ZNF831: variants seen among roughly 807,000 people sequenced by gnomAD.
ZNF831 encodes zinc finger protein 831.
ZNF831 carries 59 observed loss-of-function variants against 95.8 expected under a neutral mutation model. The observed-to-expected ratio is 0.62, with a 90% CI of 0.50 to 0.77. ZNF831 has a LOEUF of 0.77. ZNF831 is among the 30% of genes least tolerant of loss of function. The pLI is 0.00. For missense variants in ZNF831, 2,205 were observed against 2,164.0 expected (o/e 1.02, Z -0.38); for synonymous variants, 961 against 925.5 (o/e 1.04, Z -0.70).
At chr20:59,173,815 A>G (rs1209308066) in intron 1 of ZNF831, among the ~76,000 whole-genome samples, 1 of 152,176 alleles carries the variant, frequency 6.6e-6, no homozygotes, top group African/African-American at 2.4e-5. Flanking sequence ...TGGGTTATGC[A>G]GGGGAAACTT....
rs982269163 is a variant in ZNF831, at chr20:59,151,847, G to A, written c.-1281+5473G>A. On this transcript the variant is annotated intron_variant, in intron 2 of 7. Coordinates refer to the ZNF831 transcript ENST00000637017. ...CTGAACCTTCGGGAGACCCATAGGA[G>A]GTGGCTGCCCAGCCCCTCTGTCTAG... Among the ~76,000 whole-genome samples the A allele has an allele frequency of 5.3e-5, 8 of 152,304 alleles. No homozygotes were observed. The East Asian group carries it at 1.4e-3, about 26-fold the overall frequency.
At chr20:59,130,123 T>A (rs1054153090) in intron 1 of ZNF831, among the ~76,000 whole-genome samples, 4 of 152,134 alleles carry the variant, frequency 2.6e-5, no homozygotes, top group African/African-American at 4.8e-5. Context: ...GACGATGGGA[T>A]TCAGGGAGCT....
At chr20:59,180,577 A>G (rs1018984152) in intron 1 of ZNF831, among the ~76,000 whole-genome samples, 2 of 151,394 alleles carry the variant, frequency 1.3e-5, no homozygotes, top group African/African-American at 2.4e-5. Flanking sequence ...CCCTGTGTAC[A>G]TGTGTTCTCA....
Position 59,169,597 on chromosome 20 carries a change from C to G in ZNF831, c.-37+5390C>G, listed in dbSNP as rs1981563077. Among the ~76,000 whole-genome samples, 2 of 152,124 alleles carry G rather than the reference C, an allele frequency of 1.3e-5. No individual in the cohort carries two copies. Among genetic ancestry groups the G allele is most frequent in the African/African-American group, 4.8e-5 (2 of 41,416 alleles). On this transcript the variant is annotated intron_variant, in intron 1 of 5. Transcript: ENST00000371030. The surrounding 1 kb of genome is among the most constrained non-coding windows in gnomAD (Gnocchi z 4.1). ...CCTGGCCAACGTGGTGAAATCCTGT[C>G]TCTACTAAAAATACAAAAATTAGCC...
chr20:59,137,445 G>T (rs755549893), intron 1 of ZNF831, among the ~76,000 whole-genome samples: 1 of 152,108 alleles, frequency 6.6e-6, no homozygotes, highest in Non-Finnish European at 1.5e-5. Flanking sequence ...GTCCTCAGAG[G>T]TGGTCAACTT....
chr20:59,241,112 ACTT>A (rs1477414339), intron 4 of ZNF831, among the ~76,000 whole-genome samples: 2 of 152,134 alleles, frequency 1.3e-5, no homozygotes, highest in Non-Finnish European at 2.9e-5. Context: ...CAAAGGAGAG[ACTT>A]CTTAGAATTC....
At chr20:59,140,336 A>G (rs1568722853) in intron 1 of ZNF831, among the ~76,000 whole-genome samples, 1 of 152,184 alleles carries the variant, frequency 6.6e-6, no homozygotes, top group Non-Finnish European at 1.5e-5. Context: ...GAAGAGCTAG[A>G]GTTTTGTTTC....
Position 59,148,679 on chromosome 20 carries a change from C to CAAAAAAAAAAAAAAAAA in ZNF831, c.-1281+2334_-1281+2350dup, listed in dbSNP as rs35635821. Among the ~76,000 whole-genome samples the CAAAAAAAAAAAAAAAAA allele has an allele frequency of 1.9e-4, 3 of 16,214 alleles. 1 individual carries two copies. Among genetic ancestry groups the CAAAAAAAAAAAAAAAAA allele is most frequent in the African/African-American group, 3.5e-4 (2 of 5,676 alleles). The allele number at this position is 16,214 out of a possible 152,430, so 10.6% of individuals were successfully genotyped here. A position where few individuals can be genotyped will look rare whatever the true frequency, so the allele number is the denominator to read the frequency against. ...TGGGCGACAGAGCGAAACTCCGTCT[C>CAAAAAAAAAAAAAAAAA]AAAAAAAAAAAAAAAAAAAAAAAAA... On this transcript the variant is annotated intron_variant, in intron 2 of 7. Transcript: ENST00000637017.
intron 1 of ZNF831, among the ~76,000 whole-genome samples, chr20:59,137,948 C>T (rs555878373): frequency 4.6e-5 from 7 of 152,290 alleles, no homozygotes; most frequent in African/African-American, 1.7e-4. Flanking sequence ...GGACTTCATG[C>T]ATTGGTTACC....
rs1600695882 is a variant in ZNF831, at chr20:59,254,690, G to C, written c.4981G>C (p.Glu1661Gln). The C allele has an allele frequency of 1.2e-6, 2 of 1,614,118 alleles. No individual in the cohort carries two copies. The highest frequency in any genetic ancestry group is 2.2e-5 in the East Asian group (1 of 44,870). The stretch of plus-strand genomic sequence containing the variant: ...AGGAATGAGAAAGCAAACTCGAGTA[G>C]AGTTCAGTGACACCAGCAGCGACGA... ...LEGMRKQTRV[E>Q]FSDTSSDDED... Residue 1661 changes from glutamate (E) to glutamine (Q), a missense_variant, in exon 6 of 6, where the codon GAG (glutamate) becomes CAG (glutamine). Transcript: ENST00000371030. This position sits in a 1 kb window ranked among gnomAD's most constrained non-coding sequence, Gnocchi z 4.5.
In ZNF831 at chr20:59,194,678, G is replaced by T. The variant is rs983421772; in HGVS notation, c.3659G>T (p.Gly1220Val). 1.2e-6 allele frequency: 2 copies of T among 1,612,506 alleles called. No individual in the cohort carries two copies. The highest frequency in any genetic ancestry group is 2.2e-5 in the East Asian group (1 of 44,878). ...HFPGSSLRDE[G>V]PNGPPGSNGG... ...CCTGGTAGCAGCCTCCGAGATGAGG[G>T]TCCCAATGGCCCTCCTGGGAGCAAT... The change falls in exon 2 of 6, where the codon GGT becomes GTT. Residue 1220 changes from glycine (G) to valine (V), a missense_variant. Coordinates refer to ENST00000371030, the MANE Select transcript of ZNF831 (RefSeq NM_178457.3).
chr20:59,166,987 GT>G (rs1981323719), intron 1 of ZNF831, among the ~76,000 whole-genome samples: 1 of 152,196 alleles, frequency 6.6e-6, no homozygotes, highest in Non-Finnish European at 1.5e-5. Context: ...TGTTTGATTT[GT>G]TAAGAAATGG....
rs77330332 is a variant in ZNF831, at chr20:59,207,669, T to C, written c.4027+613T>C. ...GGGCAAATGGCTCAACTTCTCTGGA[T>C]CTCAATTTCCTCTTCCTTTCTCCCC... On this transcript the variant is annotated intron_variant, in intron 4 of 5. Transcript: ENST00000371030. Among the ~76,000 whole-genome samples the C allele has an allele frequency of 8.0e-3, 1,213 of 152,310 alleles. 18 individuals are homozygous for C. Among genetic ancestry groups the C allele is most frequent in the African/African-American group, 0.027 (1,110 of 41,572 alleles).
intron 4 of ZNF831, among the ~76,000 whole-genome samples, chr20:59,211,763 G>A (rs899102250): frequency 7.3e-5 from 11 of 150,122 alleles, no homozygotes; most frequent in Non-Finnish European, 1.3e-4. Context: ...CTGCGTCCTC[G>A]GTGAGGGAGC....
chr20:59,163,414 C>A (rs748135453), upstream of ZNF831, among the ~76,000 whole-genome samples: 1 of 152,158 alleles, frequency 6.6e-6, no homozygotes, highest in Admixed American at 6.5e-5. Context: ...CACCATTTTA[C>A]ATAAAGACAG....
intron 4 of ZNF831, among the ~76,000 whole-genome samples, chr20:59,233,866 T>G (rs1260364849): frequency 1.3e-5 from 2 of 152,230 alleles, no homozygotes; most frequent in African/African-American, 2.4e-5. Flanking sequence ...GTTGAGGAGT[T>G]GATCCTAGGG....
chr20:59,135,390 A>T (rs1979469652), intron 1 of ZNF831, among the ~76,000 whole-genome samples: 1 of 152,018 alleles, frequency 6.6e-6, no homozygotes, highest in Non-Finnish European at 1.5e-5. Flanking sequence ...GTTTGAGATC[A>T]GCCTTGGCAA....
chr20:59,174,687 A>T (rs756884063), intron 1 of ZNF831, among the ~76,000 whole-genome samples: 2 of 152,094 alleles, frequency 1.3e-5, no homozygotes, highest in Non-Finnish European at 2.9e-5. Flanking sequence ...TGATCAATGT[A>T]TGTGCACTCC....
chr20:59,176,093 T>C (rs1346781710), intron 1 of ZNF831, among the ~76,000 whole-genome samples: 1 of 152,186 alleles, frequency 6.6e-6, no homozygotes. Context: ...AGGGAGTGGA[T>C]TAACACACTG....
Sources: allele counts gnomAD v4.1 joint callset (sites outside exome capture counted in the v4.1 genomes callset), GRCh38; gene constraint gnomAD v4.1.1; non-coding constraint Gnocchi (gnomAD v3.1); transcripts MANE v1.5; gene names NCBI Gene and HGNC (gene_info 2026-07-23, HGNC 2026-07-21).